The following TRDN variants were observed in gnomAD, a reference collection of about 807,000 sequenced individuals.
TRDN encodes triadin in skeletal muscle.
A neutral mutation model predicts 149.7 loss-of-function variants in TRDN; 161 were observed. The ratio of observed to expected loss-of-function variants is 1.08; its 90% CI spans 0.95 to 1.23. The LOEUF is 1.23. Among genes scored for constraint, TRDN ranks in the 50% most tolerant of loss-of-function variants. The probability of loss-of-function intolerance (pLI) is 0.00; values close to 1 mark genes in which losing one functional copy is unlikely to be tolerated. For missense variants in TRDN, 896 were observed against 823.5 expected (o/e 1.09, Z -1.08); for synonymous variants, 294 against 250.5 (o/e 1.17, Z -1.64).
At position 123,497,482 on chromosome 6, in the gene TRDN, G is replaced by A. The variant is rs185790061; in HGVS notation, c.794-230C>T. Among the ~76,000 whole-genome samples, 438 of 152,192 alleles carry A rather than the reference G, an allele frequency of 2.9e-3. 2 individuals are homozygous for A. The highest frequency in any genetic ancestry group is 4.6e-3 in the Non-Finnish European group (310 of 67,958). On this transcript the variant is annotated intron_variant, in intron 8 of 40. Transcript: ENST00000334268. ...CAAAAATAACCTCAAAAATTGAAAA[G>A]GACTAGTTCAGGGTAATCTTATAGT...
intron 2 of TRDN, among the ~76,000 whole-genome samples, chr6:123,554,163 T>C (rs1450558694): frequency 6.6e-6 from 1 of 152,068 alleles, no homozygotes. Flanking sequence ...ATCCAAATAT[T>C]TGGAACTAAA....
At chr6:123,489,749 T>C (rs1583134229) in intron 9 of TRDN, 1 of 152,176 alleles carries the variant, frequency 6.6e-6, no homozygotes, top group Non-Finnish European at 1.5e-5. Flanking sequence ...AGCAGAATAA[T>C]GAAATTGCCT....
In TRDN at chr6:123,548,624, TAAA is replaced by T. The variant is rs66509682; in HGVS notation, c.233-15_233-13del. The T allele has an allele frequency of 0.05, 56,864 of 1,134,332 alleles. 268 individuals carry two copies. The highest frequency in any genetic ancestry group is 0.089 in the African/African-American group (5,374 of 60,372). 70.3% of individuals were successfully genotyped at this position (1,134,332 alleles called of 1,614,324 possible). A position where few individuals can be genotyped will look rare whatever the true frequency, so the allele number is the denominator to read the frequency against. On this transcript the variant is annotated splice_polypyrimidine_tract_variant and intron_variant, in intron 2 of 40. Transcript: ENST00000334268. ...GGCAATAGAGCTTGCTAAAAGTAATTAAAAAAAAAAAAAAAGAAAAAGTTTGTG... is the reference window on the plus strand; with the variant it reads ...GGCAATAGAGCTTGCTAAAAGTAATTAAAAAAAAAAAAGAAAAAGTTTGTG...
chr6:123,292,223 T>G (rs1180501729), intron 24 of TRDN, among the ~76,000 whole-genome samples: 1 of 152,174 alleles, frequency 6.6e-6, no homozygotes, highest in Non-Finnish European at 1.5e-5. Flanking sequence ...CTGCCTGCCC[T>G]GGGTCCATAA....
rs568605117 is a variant in TRDN at position 123,258,274 on chromosome 6, T to G, written c.1870+1350A>C. Among the ~76,000 whole-genome samples the G allele has an allele frequency of 1.1e-4, 17 of 152,314 alleles. No homozygotes were observed. The South Asian group carries it at 3.3e-3, about 30-fold the overall frequency. On this transcript the variant is annotated intron_variant, in intron 35 of 40. Coordinates refer to ENST00000334268, the MANE Select transcript of TRDN (RefSeq NM_006073.4). The stretch of plus-strand genomic sequence containing the variant: ...CAGTATGCTATTGACTGTGGGTTTA[T>G]CATAAAAAGCTCTTCTTATTTTGAG...
At chr6:123,473,692 G>A (rs1028445811) in intron 9 of TRDN, among the ~76,000 whole-genome samples, 2 of 151,538 alleles carry the variant, frequency 1.3e-5, no homozygotes, top group African/African-American at 2.4e-5. Flanking sequence ...GGCAGCCAGA[G>A]AGAAAGGTCG....
intron 12 of TRDN, among the ~76,000 whole-genome samples, chr6:123,409,434 C>CATGCT (rs1436025555): frequency 6.6e-6 from 1 of 152,154 alleles, no homozygotes; most frequent in East Asian, 1.9e-4. Flanking sequence ...TTTCCTTGAG[C>CATGCT]ATGCTTAAGT....
chr6:123,463,352 AT>A (rs202210873), intron 10 of TRDN, among the ~76,000 whole-genome samples: 15 of 142,658 alleles, frequency 1.1e-4, no homozygotes, highest in Middle Eastern at 3.5e-3. Flanking sequence ...AAAAAAAAAA[AT>A]AAATAATAAA....
At chr6:123,474,585 T>G (rs1055699115) in intron 9 of TRDN, among the ~76,000 whole-genome samples, 1 of 152,140 alleles carries the variant, frequency 6.6e-6, no homozygotes, top group African/African-American at 2.4e-5. Context: ...CTAATAGACA[T>G]CTAAAGAACT....
intron 38 of TRDN, among the ~76,000 whole-genome samples, chr6:123,228,933 G>A (rs1179834350): frequency 6.6e-6 from 1 of 151,838 alleles, no homozygotes; most frequent in Non-Finnish European, 1.5e-5. Context: ...CCTCAGTGGC[G>A]ATGAAAAGTT....
intron 5 of TRDN, among the ~76,000 whole-genome samples, chr6:123,529,994 G>A (rs929325121): frequency 2.6e-5 from 4 of 151,984 alleles, no homozygotes; most frequent in Non-Finnish European, 5.9e-5. Context: ...AGCTGAAAGT[G>A]ATATTAATCA....
chr6:123,311,899 A>G (rs144866447), intron 24 of TRDN, among the ~76,000 whole-genome samples: 13 of 152,088 alleles, frequency 8.5e-5, no homozygotes, highest in African/African-American at 2.9e-4. Flanking sequence ...AGATATGGCA[A>G]AAAAGGTGGG....
intron 2 of TRDN, among the ~76,000 whole-genome samples, chr6:123,559,018 C>T (rs541677824): frequency 1.1e-4 from 17 of 152,238 alleles, no homozygotes; most frequent in East Asian, 7.7e-4. Flanking sequence ...CGGACTCACC[C>T]GGCAGCCACT....
chr6:123,571,575 G>A (rs904106596), intron 1 of TRDN, among the ~76,000 whole-genome samples: 1 of 151,912 alleles, frequency 6.6e-6, no homozygotes, highest in Non-Finnish European at 1.5e-5. Flanking sequence ...ACTATATCCA[G>A]TACCTCTTTT....
chr6:123,542,848 G>GAAAACA (rs1224853489), intron 4 of TRDN, among the ~76,000 whole-genome samples: 1 of 138,328 alleles, frequency 7.2e-6, no homozygotes, highest in African/African-American at 2.9e-5. Flanking sequence ...CTCTGAGTGT[G>GAAAACA]TGCATGTTTG....
chr6:123,523,297 T>G (rs1187331336), intron 5 of TRDN, among the ~76,000 whole-genome samples: 1 of 152,092 alleles, frequency 6.6e-6, no homozygotes, highest in Non-Finnish European at 1.5e-5. Context: ...CAGGGACTAC[T>G]CAACAGCTCA....
chr6:123,304,950 CA>C (rs1473275353), intron 24 of TRDN, among the ~76,000 whole-genome samples: 5 of 151,984 alleles, frequency 3.3e-5, no homozygotes, highest in Admixed American at 1.3e-4. Context: ...GTTGTGTAAA[CA>C]AAGATAAAAA....
At chr6:123,284,272 A>T (rs1199773327) in intron 24 of TRDN, among the ~76,000 whole-genome samples, 1 of 151,636 alleles carries the variant, frequency 6.6e-6, no homozygotes, top group Non-Finnish European at 1.5e-5. Flanking sequence ...TTACCAAAAT[A>T]CTAGCTAACC....
intron 12 of TRDN, among the ~76,000 whole-genome samples, chr6:123,416,675 C>T (rs1773660327): frequency 6.6e-6 from 1 of 151,430 alleles, no homozygotes; most frequent in South Asian, 2.1e-4. Flanking sequence ...ACTTTGTCTC[C>T]TTGTCACCAT....
Sources: gnomAD v4.1 joint callset for allele counts (sites outside exome capture counted in the v4.1 genomes callset) on GRCh38, gnomAD v4.1.1 for gene constraint, MANE v1.5 for transcripts, NCBI Gene and HGNC (gene_info 2026-07-23, HGNC 2026-07-21) for gene names.